The following GOLGA1 variants were observed in gnomAD, a reference collection of about 807,000 sequenced individuals.
GOLGA1 encodes golgin subfamily A member 1.
A neutral mutation model predicts 119.7 loss-of-function variants in GOLGA1; 63 were observed. That is an observed-to-expected ratio of 0.53 (90% CI 0.43 to 0.65). The LOEUF (loss-of-function observed/expected upper bound fraction) is 0.65, where lower values mean the gene tolerates loss of function less well. GOLGA1 is among the 30% of genes least tolerant of loss of function. The pLI is 0.00. For missense variants in GOLGA1, 798 were observed against 912.8 expected, an observed-to-expected ratio of 0.87 and a Z score of 1.62; for synonymous variants, 318 against 333.4, an observed-to-expected ratio of 0.95 and a Z score of 0.50.
rs542892294 is a variant in GOLGA1, at chr9:124,888,683, C to A, written c.1762-287G>T. 5.3e-5 allele frequency among the ~76,000 whole-genome samples: 8 copies of A among 152,018 alleles called. No homozygotes were observed. The South Asian group carries it at 1.7e-3, about 32-fold the overall frequency. ...TCATGGCCTCCTAGCCATATGAGTG[C>A]CCTACTTTATTTATTTATCTATTTA... is the stretch of plus-strand genomic sequence containing the variant. On this transcript the variant is annotated intron_variant, in intron 18 of 22. Transcript: ENST00000373555. This position sits in a 1 kb window ranked among gnomAD's most constrained non-coding sequence, Gnocchi z 4.4.
intron 3 of GOLGA1, among the ~76,000 whole-genome samples, 166 bp downstream of exon 3, chr9:124,938,411 C>T (rs935902459): frequency 2.6e-5 from 4 of 151,990 alleles, no homozygotes; most frequent in Non-Finnish European, 5.9e-5. Flanking sequence ...TTAACATTTA[C>T]AAACCAAACA....
chr9:124,942,986 T>C (rs1311743156), upstream of GOLGA1: 5 of 152,136 alleles, frequency 3.3e-5, no homozygotes, highest in Non-Finnish European at 7.3e-5. Flanking sequence ...TCACATCTCA[T>C]ACAAGAGTCA....
At chr9:124,938,322 G>A (rs915069965) in intron 3 of GOLGA1, among the ~76,000 whole-genome samples, 1 of 151,826 alleles carries the variant, frequency 6.6e-6, no homozygotes, top group African/African-American at 2.4e-5. Context: ...GTATATAGAC[G>A]GAAAAACAGT....
chr9:124,924,756 G>T lies in GOLGA1; in HGVS notation c.433-1533C>A, dbSNP rs56112926. On this transcript the variant is annotated intron_variant, in intron 7 of 22. Coordinates refer to ENST00000373555, the MANE Select transcript of GOLGA1 (RefSeq NM_002077.4). The stretch of plus-strand genomic sequence containing the variant: ...AACTTTAACGATGAAAAGTAGCTTC[G>T]AAGACCTATATAGGTGTCTCATTAC... 8.1e-3 allele frequency among the ~76,000 whole-genome samples: 1,191 copies of T among 146,646 alleles called. 22 individuals carry two copies. The highest frequency in any genetic ancestry group is 0.028 in the African/African-American group (1,117 of 39,788).
At chr9:124,894,025 T>A (rs571821817) in intron 15 of GOLGA1, among the ~76,000 whole-genome samples, 1 of 152,332 alleles carries the variant, frequency 6.6e-6, no homozygotes, top group Non-Finnish European at 1.5e-5. Context: ...GACTCTACGG[T>A]GACTATTCTT....
At chr9:124,943,119 G>T (rs1189157745), upstream of GOLGA1, 1 of 152,216 alleles carries the variant, frequency 6.6e-6, no homozygotes, top group East Asian at 1.9e-4. Context: ...AAAACATCCT[G>T]TTTAAGAGAA....
chr9:124,925,564 T>A (rs998139522), intron 7 of GOLGA1, among the ~76,000 whole-genome samples: 13 of 152,054 alleles, frequency 8.5e-5, no homozygotes, highest in East Asian at 1.9e-4. Flanking sequence ...AAAATTTTTT[T>A]AAAAATTAGC....
chr9:124,885,121 G>A lies in GOLGA1; in HGVS notation c.1906-2552C>T, dbSNP rs189481982. Among the ~76,000 whole-genome samples, 337 of 152,314 alleles carry A rather than the reference G, an allele frequency of 2.2e-3. 1 individual carries two copies. The highest frequency in any genetic ancestry group is 6.0e-3 in the African/African-American group (248 of 41,570). ...AGGCGGGCAGATCACGAGGTCAAGA[G>A]ATCGAGACCATCCTGGCCAACATGG... On this transcript the variant is annotated intron_variant, in intron 19 of 22. Coordinates refer to ENST00000373555, the MANE Select transcript of GOLGA1 (RefSeq NM_002077.4).
In GOLGA1 at chr9:124,921,144, G is replaced by A. The variant is rs866145317; in HGVS notation, c.828C>T (p.Ser276=). ...QELQALIQQL[S]IDLQKVTAET... ...TTCTACTTACCTTTTGCAAATCAAT[G>A]GAAAGCTGCTGAATGAGTGCTTGGA... The change falls in exon 10 of 23, where the codon TCC becomes TCT. Residue 276 remains serine (S), a synonymous_variant. Transcript: ENST00000373555. The A allele has an allele frequency of 6.3e-7, 1 of 1,598,798 alleles. No homozygotes were observed. Among genetic ancestry groups the A allele is most frequent in the Non-Finnish European group, 8.6e-7 (1 of 1,166,028 alleles).
chr9:124,886,483 G>A (rs912533722), intron 19 of GOLGA1, among the ~76,000 whole-genome samples: 2 of 152,196 alleles, frequency 1.3e-5, no homozygotes, highest in Non-Finnish European at 2.9e-5. Flanking sequence ...AGCTTGACAA[G>A]AGTGTTTTTC....
At chr9:124,885,099 C>T (rs559321946) in intron 19 of GOLGA1, among the ~76,000 whole-genome samples, 25 of 152,272 alleles carry the variant, frequency 1.6e-4, no homozygotes, top group African/African-American at 3.8e-4. Flanking sequence ...GAGGCCGAGG[C>T]GGGCAGATCA....
At chr9:124,932,893 C>A (rs938226404) in intron 3 of GOLGA1, among the ~76,000 whole-genome samples, 2 of 152,076 alleles carry the variant, frequency 1.3e-5, no homozygotes, top group South Asian at 4.2e-4. Context: ...GAGCACTAAT[C>A]TCATTCATGA....
intron 19 of GOLGA1, among the ~76,000 whole-genome samples, chr9:124,884,106 G>A (rs542945869): frequency 6.6e-6 from 1 of 151,734 alleles, no homozygotes; most frequent in African/African-American, 2.4e-5. Context: ...CTGCCTCCTG[G>A]GTTCAAGCAA....
At chr9:124,899,895 G>T (rs551948838) in intron 13 of GOLGA1, among the ~76,000 whole-genome samples, 3 of 152,340 alleles carry the variant, frequency 2.0e-5, no homozygotes, top group African/African-American at 7.2e-5. Flanking sequence ...GCGAGCCTGT[G>T]GGCTACTGAG....
chr9:124,916,120 A>AATAAATAAATAAATAC (rs1564337610), intron 10 of GOLGA1, among the ~76,000 whole-genome samples: 1 of 151,050 alleles, frequency 6.6e-6, no homozygotes, highest in African/African-American at 2.4e-5. Flanking sequence ...TAAATAAATA[A>AATAAATAAATAAATAC]ATAAATAAAT....
chr9:124,929,378 G>T, intron 4 of GOLGA1, 88 bp from the exon 5 acceptor site: 1 of 839,608 alleles, frequency 1.2e-6, no homozygotes, highest in Non-Finnish European at 2.1e-6. Flanking sequence ...TGGAAATGAT[G>T]ATGATTTTCT....
chr9:124,890,308 C>T (rs1790544227), intron 16 of GOLGA1, 81 bp downstream of exon 16: 1 of 966,606 alleles, frequency 1.0e-6, no homozygotes. Flanking sequence ...CAGGCCCTCT[C>T]CAACAGTCTC....
At chr9:124,947,200 CCTCT>C (rs200332948) in intron 1 of GOLGA1, 3 of 152,096 alleles carry the variant, frequency 2.0e-5, no homozygotes, top group East Asian at 1.9e-4. Context: ...TTTTCCACAG[CCTCT>C]CTATTAAGCC....
intron 3 of GOLGA1, 119 bp downstream of exon 3, chr9:124,938,458 T>A (rs897491494): frequency 1.2e-6 from 1 of 802,646 alleles, no homozygotes; most frequent in African/African-American, 1.7e-5. Flanking sequence ...AAGAATCAGA[T>A]GTACAGGCTC....
Sources: allele counts gnomAD v4.1 joint callset (sites outside exome capture counted in the v4.1 genomes callset), GRCh38; gene constraint gnomAD v4.1.1; non-coding constraint Gnocchi (gnomAD v3.1); transcripts MANE v1.5; gene names NCBI Gene and HGNC (gene_info 2026-07-23, HGNC 2026-07-21).